NRXN2: variants seen among roughly 807,000 people sequenced by gnomAD.
NRXN2 encodes the protein neurexin 2, also known as neurexin-2-beta.
Under a neutral mutation model 128.8 loss-of-function variants are expected in NRXN2, and 29 were observed. The observed-to-expected ratio is 0.23, with a 90% confidence interval of 0.17 to 0.31. The LOEUF (loss-of-function observed/expected upper bound fraction) is 0.31, where lower values mean the gene tolerates loss of function less well. NRXN2 is among the 10% of genes least tolerant of loss of function. The pLI, the probability that NRXN2 is intolerant of heterozygous loss-of-function variation, is 1.00. For synonymous variants in NRXN2, 1,098 were observed against 1,075.2 expected, an observed-to-expected ratio of 1.02 and a Z score of -0.41; for missense variants, 1,881 against 2,452.6, an observed-to-expected ratio of 0.77 and a Z score of 4.92.
At position 64,723,033 on chromosome 11, in the gene NRXN2, C is replaced by T. The variant is rs988060932; in HGVS notation, c.-307G>A. ...CAGAGCTACAGGGCCGCCCCGTCTC[C>T]GACGGGTGGCAGAGCCAGGGCTAGC... is the stretch of plus-strand genomic sequence containing the variant. On this transcript the variant is annotated 5_prime_UTR_variant, in exon 1 of 23. Transcript: ENST00000265459. 1.3e-5 allele frequency: 2 copies of T among 150,670 alleles called. No homozygotes were observed. Among genetic ancestry groups the T allele is most frequent in the African/African-American group, 2.5e-5 (1 of 40,636 alleles). The allele number at this position is 150,670 out of a possible 1,614,324, so 9.3% of individuals were successfully genotyped here.
At chr11:64,671,496 C>A (rs1274149494) in intron 7 of NRXN2, among the ~76,000 whole-genome samples, 1 of 152,138 alleles carries the variant, frequency 6.6e-6, no homozygotes, top group Non-Finnish European at 1.5e-5. Flanking sequence ...GCCCCCCAAC[C>A]TCCCCCCCAC....
chr11:64,692,305 C>T (rs2053905103), intron 4 of NRXN2, among the ~76,000 whole-genome samples: 1 of 151,994 alleles, frequency 6.6e-6, no homozygotes, highest in Non-Finnish European at 1.5e-5. Flanking sequence ...ACGGAGAGAC[C>T]CTACACCTCT....
chr11:64,662,023 C>T (rs1388788212), intron 9 of NRXN2, among the ~76,000 whole-genome samples: 4 of 149,674 alleles, frequency 2.7e-5, no homozygotes, highest in African/African-American at 7.4e-5. Flanking sequence ...GAGGCCGAGG[C>T]GGATGGATCA....
chr11:64,681,887 G>A (rs954628794), intron 6 of NRXN2, among the ~76,000 whole-genome samples: 1 of 152,190 alleles, frequency 6.6e-6, no homozygotes, highest in Admixed American at 6.5e-5. Context: ...GAGAGGCCTG[G>A]GCAGGAAGGA....
At chr11:64,679,693 C>T (rs1740153476) in intron 6 of NRXN2, among the ~76,000 whole-genome samples, 1 of 152,120 alleles carries the variant, frequency 6.6e-6, no homozygotes, top group African/African-American at 2.4e-5. Flanking sequence ...ACCCTTGGGC[C>T]TTCCACTAAT....
Position 64,713,271 on chromosome 11 carries a change from C to T in NRXN2, c.429G>A (p.Glu143=). Residue 143 remains glutamate, a synonymous_variant, in exon 2 of 23, where the codon GAG becomes GAA. Coordinates refer to ENST00000265459, the MANE Select transcript of NRXN2 (RefSeq NM_015080.4). The part of the protein sequence containing the change: ...RAAEVRSKRR[E]MQVASDLFVG... ...CGAACAGGTCGCTGGCCACCTGCATCTCGCGCCGCTTGGAGCGCACCTCGG... is the reference window on the plus strand; with the variant it reads ...CGAACAGGTCGCTGGCCACCTGCATTTCGCGCCGCTTGGAGCGCACCTCGG... 1 of 1,414,156 alleles carries T rather than the reference C, an allele frequency of 7.1e-7. No homozygotes were observed. The highest frequency in any genetic ancestry group is 9.2e-7 in the Non-Finnish European group (1 of 1,084,980). 87.6% of individuals were successfully genotyped at this position (1,414,156 alleles called of 1,614,324 possible). A position where few individuals can be genotyped will look rare whatever the true frequency, so the allele number is the denominator to read the frequency against.
rs539401523 is a variant in NRXN2, at chr11:64,714,546, G to A, written c.-244-603C>T. Among the ~76,000 whole-genome samples the A allele has an allele frequency of 1.3e-5, 2 of 152,142 alleles. No individual in the cohort carries two copies. Among genetic ancestry groups the A allele is most frequent in the Admixed American group, 6.5e-5 (1 of 15,278 alleles). ...CCCAAGCCCTCTCCATCCAAGCAGG[G>A]ACTCAGGCATCCAATTCTGTGTCTC... On this transcript the variant is annotated intron_variant, in intron 1 of 22. Coordinates refer to ENST00000265459, the MANE Select transcript of NRXN2 (RefSeq NM_015080.4). This position sits in a 1 kb window ranked among gnomAD's most constrained non-coding sequence, Gnocchi z 4.5.
Position 64,623,269 on chromosome 11 carries a change from C to T in NRXN2, c.3848-191G>A. On this transcript the variant is annotated intron_variant, in intron 20 of 22. Coordinates refer to ENST00000265459, the MANE Select transcript of NRXN2 (RefSeq NM_015080.4). The surrounding 1 kb of genome is among the most constrained non-coding windows in gnomAD (Gnocchi z 4.9). The stretch of plus-strand genomic sequence containing the variant: ...GGAAAGTCCTTGTCAGCCACAGCCC[C>T]TAGCCCAGCCAGGTGGGGACCCCAG... 1 of 1,037,172 alleles carries T rather than the reference C, an allele frequency of 9.6e-7. No individual in the cohort carries two copies. Among genetic ancestry groups the T allele is most frequent in the East Asian group, 2.6e-5 (1 of 37,900 alleles). 64.2% of individuals were successfully genotyped at this position (1,037,172 alleles called of 1,614,324 possible). A position where few individuals can be genotyped will look rare whatever the true frequency, so the allele number is the denominator to read the frequency against.
intron 3 of NRXN2, among the ~76,000 whole-genome samples, chr11:64,695,469 T>C (rs187118362): frequency 2.0e-5 from 3 of 151,442 alleles, no homozygotes; most frequent in East Asian, 3.9e-4. Context: ...TCCTTAGAGA[T>C]ATAAGGAGGG....
At chr11:64,610,582 A>G (rs73492139) in intron 22 of NRXN2, among the ~76,000 whole-genome samples, 9,436 of 152,142 alleles carry the variant, frequency 0.062, 997 homozygotes, top group African/African-American at 0.22. Flanking sequence ...AGTTTCTTCC[A>G]GTCTCTAGGC....
At chr11:64,673,364 T>C (rs2050874344) in intron 7 of NRXN2, among the ~76,000 whole-genome samples, 1 of 152,094 alleles carries the variant, frequency 6.6e-6, no homozygotes, top group African/African-American at 2.4e-5. Context: ...CAAGAAGAAG[T>C]GCTCAAACAA....
chr11:64,642,618 G>A (rs2045880377), intron 17 of NRXN2: 1 of 1,610,096 alleles, frequency 6.2e-7, no homozygotes, highest in South Asian at 1.1e-5. Flanking sequence ...AGTGGTGGAC[G>A]TGGTGGGTGG....
At chr11:64,663,658 A>T (rs145625683) in intron 9 of NRXN2, among the ~76,000 whole-genome samples, 1 of 152,238 alleles carries the variant, frequency 6.6e-6, no homozygotes, top group Non-Finnish European at 1.5e-5. Flanking sequence ...AAATGAACCA[A>T]ATGTTGGAGA....
chr11:64,607,868 G>A lies in NRXN2; in HGVS notation c.4467C>T (p.Pro1489=), dbSNP rs2039917815. 3.1e-6 allele frequency: 5 copies of A among 1,591,658 alleles called. No individual in the cohort carries two copies. In the East Asian group the frequency reaches 9.2e-5, roughly 29 times the overall value. The change falls in exon 23 of 23, where the codon CCC becomes CCT. Residue 1489 remains proline (P), a synonymous_variant. Transcript: ENST00000265459. The stretch of plus-strand genomic sequence containing the variant: ...CGGAGGCGAAGCCCGAGGCCTCGAT[G>A]GGCTCCTCGCAGTCGCTGTCGTCCC... ...AERDDSDCEE[P]IEASGFASGE... is the part of the protein sequence containing the mutation.
At chr11:64,657,041 C>G (rs1264925372) in intron 11 of NRXN2, among the ~76,000 whole-genome samples, 1 of 152,190 alleles carries the variant, frequency 6.6e-6, no homozygotes, top group African/African-American at 2.4e-5. Flanking sequence ...CACTGAGTGC[C>G]TGTGGAGCTG....
chr11:64,714,755 A>G lies in NRXN2; in HGVS notation c.-244-812T>C, dbSNP rs1323291694. ...AGTTCCCTCTGCCCACCCCCCACCC[A>G]AGATTGGGGGAGCCACCAGGAGGCA... On this transcript the variant is annotated intron_variant, in intron 1 of 22. Coordinates refer to ENST00000265459, the MANE Select transcript of NRXN2 (RefSeq NM_015080.4). The surrounding 1 kb of genome is among the most constrained non-coding windows in gnomAD (Gnocchi z 4.5). Among the ~76,000 whole-genome samples the G allele has an allele frequency of 6.7e-6, 1 of 148,198 alleles. No homozygotes were observed. Among genetic ancestry groups the G allele is most frequent in the Non-Finnish European group, 1.5e-5 (1 of 66,806 alleles).
Position 64,622,589 on chromosome 11 carries a change from T to G in NRXN2, c.4173+164A>C. Reference sequence around the variant, plus strand: ...AGGGTGAAGGCCACTTCCTGAAAGGTGACCTTGCCCATCGCCATGGCAACA... The same window carrying G: ...AGGGTGAAGGCCACTTCCTGAAAGGGGACCTTGCCCATCGCCATGGCAACA... On this transcript the variant is annotated intron_variant, in intron 21 of 22. Coordinates refer to ENST00000265459, the MANE Select transcript of NRXN2 (RefSeq NM_015080.4). This position sits in a 1 kb window ranked among gnomAD's most constrained non-coding sequence, Gnocchi z 4.3. The G allele has an allele frequency of 4.1e-6, 2 of 490,616 alleles. No individual in the cohort carries two copies. The highest frequency in any genetic ancestry group is 5.3e-6 in the Non-Finnish European group (2 of 377,676). The allele number at this position is 490,616 out of a possible 1,614,324, so 30.4% of individuals were successfully genotyped here. A position where few individuals can be genotyped will look rare whatever the true frequency, so the allele number is the denominator to read the frequency against.
chr11:64,617,665 C>T (rs1366051295), intron 22 of NRXN2, among the ~76,000 whole-genome samples: 1 of 152,204 alleles, frequency 6.6e-6, no homozygotes, highest in Non-Finnish European at 1.5e-5. Flanking sequence ...GCTGCCCCCA[C>T]CTCTGACACT....
At chr11:64,698,275 C>T (rs2054827820) in intron 2 of NRXN2, among the ~76,000 whole-genome samples, 1 of 152,198 alleles carries the variant, frequency 6.6e-6, no homozygotes, top group South Asian at 2.1e-4. Context: ...CACTGACACA[C>T]ATAGGCACTT....
Sources: gnomAD v4.1 joint callset for allele counts (sites outside exome capture counted in the v4.1 genomes callset) on GRCh38, gnomAD v4.1.1 for gene constraint, Gnocchi (gnomAD v3.1) non-coding constraint, MANE v1.5 for transcripts, NCBI Gene and HGNC (gene_info 2026-07-23, HGNC 2026-07-21) for gene names.